Variants in CDH23 observed in about 807,000 individuals in gnomAD.
CDH23 encodes cadherin-23.
In CDH23, 189 loss-of-function variants were observed where a neutral mutation model predicts 317.1. That is an observed-to-expected ratio of 0.60 (90% CI 0.53 to 0.67). CDH23 has a LOEUF of 0.67. Among genes scored for constraint, CDH23 ranks in the 30% least tolerant of loss-of-function variants. The probability of loss-of-function intolerance (pLI) is 0.00; values close to 1 mark genes in which losing one functional copy is unlikely to be tolerated. For missense variants in CDH23, 4,401 were observed against 4,592.4 expected, an observed-to-expected ratio of 0.96 and a Z score of 1.20; for synonymous variants, 1,839 against 1,876.8, an observed-to-expected ratio of 0.98 and a Z score of 0.52.
chr10:71,572,193 G>T (rs541108134), intron 8 of CDH23, among the ~76,000 whole-genome samples: 2 of 152,208 alleles, frequency 1.3e-5, no homozygotes, highest in Non-Finnish European at 1.5e-5. Context: ...TTAGCATTCC[G>T]TGGGCAGTGG....
intron 3 of CDH23, among the ~76,000 whole-genome samples, chr10:71,448,076 C>G (rs1218731081): frequency 1.3e-5 from 2 of 152,230 alleles, no homozygotes; most frequent in Non-Finnish European, 2.9e-5. Flanking sequence ...GACCCTGCTG[C>G]CGGCTGGGGA....
At chr10:71,667,463 GA>G (rs1255152027) in intron 14 of CDH23, among the ~76,000 whole-genome samples, 2 of 152,012 alleles carry the variant, frequency 1.3e-5, no homozygotes, top group Non-Finnish European at 2.9e-5. Context: ...GCCAGACAGG[GA>G]GAGAAAAGGA....
chr10:71,533,571 T>TACC (rs1855537737), intron 6 of CDH23, among the ~76,000 whole-genome samples: 6 of 129,532 alleles, frequency 4.6e-5, no homozygotes, highest in Admixed American at 3.8e-4. Flanking sequence ...ACACACACAC[T>TACC]GGCTGGGGCT....
intron 1 of CDH23, among the ~76,000 whole-genome samples, chr10:71,412,643 G>T (rs1184184828): frequency 6.6e-6 from 1 of 152,102 alleles, no homozygotes; most frequent in African/African-American, 2.4e-5. Flanking sequence ...CAAGTAGCTG[G>T]GCCTACAGGA....
At chr10:71,515,210 T>C (rs181036939) in intron 6 of CDH23, among the ~76,000 whole-genome samples, 126 of 152,304 alleles carry the variant, frequency 8.3e-4, no homozygotes, top group Admixed American at 5.0e-3. Flanking sequence ...AAGTTCAGCC[T>C]CCTTAGCTGG....
chr10:71,728,944 C>G (rs1326305909), intron 30 of CDH23, among the ~76,000 whole-genome samples: 1 of 152,172 alleles, frequency 6.6e-6, no homozygotes, highest in Non-Finnish European at 1.5e-5. Context: ...GATCCTCTTG[C>G]CTCCGCCTCC....
At chr10:71,720,420 AAC>A (rs57346519) in intron 28 of CDH23, among the ~76,000 whole-genome samples, 151 of 145,534 alleles carry the variant, frequency 1.0e-3, no homozygotes, top group Middle Eastern at 3.6e-3. Flanking sequence ...CTCTTTCCAA[AAC>A]ACACACACAC....
chr10:71,478,679 G>T (rs1851915645), intron 3 of CDH23, among the ~76,000 whole-genome samples: 1 of 152,072 alleles, frequency 6.6e-6, no homozygotes, highest in Admixed American at 6.5e-5. Context: ...TGCCTCCCCT[G>T]CCCCCTCCCA....
At chr10:71,736,633 C>T (rs1747271161) in intron 34 of CDH23, among the ~76,000 whole-genome samples, 2 of 152,184 alleles carry the variant, frequency 1.3e-5, no homozygotes, top group Admixed American at 1.3e-4. Flanking sequence ...GGCCAACCCC[C>T]TTCCACTGGG....
rs1841422336 is a variant in CDH23 at position 71,797,020 on chromosome 10, G to A, written c.6713-84G>A. 6.2e-6 allele frequency: 5 copies of A among 805,276 alleles called. No individual in the cohort carries two copies. In the South Asian group the frequency reaches 7.2e-5, roughly 12 times the overall value. 49.9% of individuals were successfully genotyped at this position (805,276 alleles called of 1,614,324 possible). A position where few individuals can be genotyped will look rare whatever the true frequency, so the allele number is the denominator to read the frequency against. The stretch of plus-strand genomic sequence containing the variant: ...GACCGTCATCCTTTGTGGGGATTGG[G>A]AGGGTTTGGCCAGGAGCACCCCTGG... On this transcript the variant is annotated intron_variant, in intron 48 of 69. Transcript: ENST00000224721.
At chr10:71,763,898 C>T (rs145765596) in intron 38 of CDH23, among the ~76,000 whole-genome samples, 11 of 152,212 alleles carry the variant, frequency 7.2e-5, no homozygotes, top group East Asian at 5.8e-4. Flanking sequence ...ACTTGTGATC[C>T]GATCCTGGGG....
rs1856637563 is a variant in CDH23, at chr10:71,552,242, G to T, written c.430-14500G>T. On this transcript the variant is annotated intron_variant, in intron 6 of 69. Coordinates refer to ENST00000224721, the MANE Select transcript of CDH23 (RefSeq NM_022124.6). Reference sequence around the variant, plus strand: ...GGTGGAAGAGGGGAACAAGACAGGTGTCTGGGTTGTCACATTGATGTCTCT... The same window carrying T: ...GGTGGAAGAGGGGAACAAGACAGGTTTCTGGGTTGTCACATTGATGTCTCT... Among the ~76,000 whole-genome samples, 2 of 152,236 alleles carry T rather than the reference G, an allele frequency of 1.3e-5. 1 individual carries two copies. Among genetic ancestry groups the T allele is most frequent in the South Asian group, 4.1e-4 (2 of 4,834 alleles).
At chr10:71,520,889 C>T (rs956243332) in intron 6 of CDH23, among the ~76,000 whole-genome samples, 1 of 152,134 alleles carries the variant, frequency 6.6e-6, no homozygotes, top group Non-Finnish European at 1.5e-5. Flanking sequence ...TTGATGTGTG[C>T]GCAGGCTGCC....
intron 6 of CDH23, among the ~76,000 whole-genome samples, chr10:71,536,678 G>A (rs4747164): frequency 6.6e-6 from 1 of 151,902 alleles, no homozygotes; most frequent in Non-Finnish European, 1.5e-5. Context: ...GATATTCAAC[G>A]CATAGTCCCC....
At chr10:71,646,699 G>T (rs1319960692) in intron 14 of CDH23, 82 bp downstream of exon 14, 1 of 1,613,274 alleles carries the variant, frequency 6.2e-7, no homozygotes, top group Admixed American at 1.7e-5. Context: ...TTGTCCAAGG[G>T]ACCTCAGCAA....
intron 3 of CDH23, among the ~76,000 whole-genome samples, chr10:71,460,927 C>T (rs16928888): frequency 0.012 from 1,804 of 152,294 alleles, 83 homozygotes; most frequent in East Asian, 0.12. Flanking sequence ...GTCTCCCCGA[C>T]GAGTAGCCCA....
chr10:71,764,748 T>C (rs1840489431), intron 38 of CDH23, among the ~76,000 whole-genome samples: 2 of 152,188 alleles, frequency 1.3e-5, no homozygotes, highest in African/African-American at 4.8e-5. Flanking sequence ...GAGTTTGTGA[T>C]GAATGAGTGT....
At chr10:71,586,448 G>A (rs564662480) in intron 9 of CDH23, among the ~76,000 whole-genome samples, 6 of 152,122 alleles carry the variant, frequency 3.9e-5, no homozygotes, top group South Asian at 2.1e-4. Context: ...CGTAATTCTC[G>A]GCTCACGATT....
chr10:71,493,082 G>C (rs572401582), intron 3 of CDH23, among the ~76,000 whole-genome samples: 18 of 152,342 alleles, frequency 1.2e-4, no homozygotes, highest in African/African-American at 4.3e-4. Context: ...TGTTAAGAGA[G>C]TGTGTAGCCC....
Sources: allele counts gnomAD v4.1 joint callset (sites outside exome capture counted in the v4.1 genomes callset), GRCh38; gene constraint gnomAD v4.1.1; transcripts MANE v1.5; gene names NCBI Gene and HGNC (gene_info 2026-07-23, HGNC 2026-07-21).